The following ZNF292 variants were observed in gnomAD, a reference collection of about 807,000 sequenced individuals.
ZNF292 encodes 16 zinc-finger domain protein.
ZNF292 carries 26 observed loss-of-function variants against 217.9 expected under a neutral mutation model. That is an observed-to-expected ratio of 0.12 (90% confidence interval 0.09 to 0.17). The LOEUF (loss-of-function observed/expected upper bound fraction) is 0.17, where lower values mean the gene tolerates loss of function less well. Among genes scored for constraint, ZNF292 ranks in the 10% least tolerant of loss-of-function variants. The pLI is 1.00. For synonymous variants in ZNF292, 1,257 were observed against 1,124.1 expected, an observed-to-expected ratio of 1.12 and a Z score of -2.37; for missense variants, 2,904 against 3,175.2, an observed-to-expected ratio of 0.91 and a Z score of 2.05.
chr6:87,245,305 TA>T (rs1774515212), intron 6 of ZNF292, among the ~76,000 whole-genome samples, 197 bp from the exon 7 acceptor site: 1 of 152,174 alleles, frequency 6.6e-6, no homozygotes, highest in African/African-American at 2.4e-5. Context: ...AAATATTAAT[TA>T]ATAAAATGAT....
intron 3 of ZNF292, among the ~76,000 whole-genome samples, chr6:87,216,979 G>A (rs1352123358): frequency 6.6e-6 from 1 of 151,950 alleles, no homozygotes; most frequent in East Asian, 1.9e-4. Flanking sequence ...TAGTCTTGAA[G>A]TTTTTTCAAG....
chr6:87,216,518 T>TA (rs1219830368), intron 3 of ZNF292, 141 bp downstream of exon 3: 1 of 605,794 alleles, frequency 1.7e-6, no homozygotes, highest in Non-Finnish European at 2.9e-6. Flanking sequence ...ACTAGTATCT[T>TA]ACATAGAGTA....
chr6:87,233,094 T>C (rs1773732617), intron 4 of ZNF292, among the ~76,000 whole-genome samples: 1 of 152,164 alleles, frequency 6.6e-6, no homozygotes, highest in Non-Finnish European at 1.5e-5. Flanking sequence ...ATTCAGCTCA[T>C]TCTAAATGGT....
rs1214943724 is a variant in ZNF292, at chr6:87,264,182, AT to A, written c.*2388del. 6.6e-6 allele frequency: 1 copy of A among 152,094 alleles called. No homozygotes were observed. Among genetic ancestry groups the A allele is most frequent in the Non-Finnish European group, 1.5e-5 (1 of 67,998 alleles). 9.4% of individuals were successfully genotyped at this position (152,094 alleles called of 1,614,324 possible). On this transcript the variant is annotated 3_prime_UTR_variant, in exon 8 of 8. Transcript: ENST00000369577. ...TAAGTATTAAAAAATCATAAAATATATTTTTTTCATGGTATACTTTTCCCCA... is the reference window on the plus strand; with the variant it reads ...TAAGTATTAAAAAATCATAAAATATATTTTTTCATGGTATACTTTTCCCCA...
In ZNF292 at chr6:87,255,584, A is replaced by T; in HGVS notation, c.1955A>T (p.Asp652Val). ...STDFIVFNDNDGSDDENDDKD... is the reference protein window; with the variant it reads ...STDFIVFNDNVGSDDENDDKD... ...GATTTTATAGTGTTTAATGACAATGATGGTTCAGATGATGAGAATGATGAC... is the reference window on the plus strand; with the variant it reads ...GATTTTATAGTGTTTAATGACAATGTTGGTTCAGATGATGAGAATGATGAC... The change falls in exon 8 of 8, where the codon GAT becomes GTT. Residue 652 changes from aspartate (D) to valine (V), a missense_variant. Asp to Val is a radical substitution (Grantham distance 152, BLOSUM62 -3). This residue lies in a region of ZNF292 where 216 missense variants were observed against 308.3 expected (regional missense o/e 0.70). Transcript: ENST00000369577. 1 of 1,611,124 alleles carries T rather than the reference A, an allele frequency of 6.2e-7. No homozygotes were observed. Among genetic ancestry groups the T allele is most frequent in the South Asian group, 1.1e-5 (1 of 90,686 alleles).
chr6:87,159,516 T>TA (rs60026358), intron 1 of ZNF292, among the ~76,000 whole-genome samples: 32 of 133,018 alleles, frequency 2.4e-4, no homozygotes, highest in Middle Eastern at 4.0e-3. Context: ...TTTTTTTTTT[T>TA]AAAAAAGATG....
chr6:87,265,102 TCTCTC>T lies in ZNF292; in HGVS notation c.*3302_*3306del. On this transcript the variant is annotated 3_prime_UTR_variant, in exon 8 of 8. Transcript: ENST00000369577. ...TGTGTGCTGTAGTTCTCTCTCTCTCTCTCTCTTTTTTTTTCTTTGTTTTTTTTGGA... is the reference window on the plus strand; with the variant it reads ...TGTGTGCTGTAGTTCTCTCTCTCTCTTTTTTTTTTCTTTGTTTTTTTTGGA... Among the ~76,000 whole-genome samples, 1 of 152,170 alleles carries T rather than the reference TCTCTC, an allele frequency of 6.6e-6. No homozygotes were observed. The highest frequency in any genetic ancestry group is 2.1e-4 in the South Asian group (1 of 4,824).
rs371381325 is a variant in ZNF292 at position 87,259,009 on chromosome 6, C to G, written c.5380C>G (p.Gln1794Glu). 4 of 1,613,362 alleles carry G rather than the reference C, an allele frequency of 2.5e-6. No homozygotes were observed. The African/African-American group carries it at 5.3e-5, about 22-fold the overall frequency. ...AAATGCTCAAATAAATTATAACATT[C>G]AGCTTCCTTCAGTAAACACTGTGCA... The part of the protein sequence containing the change: ...SQNAQINYNI[Q>E]LPSVNTVQNN... Residue 1794 changes from glutamine to glutamate, a missense_variant, in exon 8 of 8, where the codon CAG becomes GAG. Coordinates refer to ENST00000369577, the MANE Select transcript of ZNF292 (RefSeq NM_015021.3).
intron 1 of ZNF292, among the ~76,000 whole-genome samples, chr6:87,212,365 T>C (rs951125531): frequency 6.6e-6 from 1 of 152,142 alleles, no homozygotes; most frequent in Non-Finnish European, 1.5e-5. Flanking sequence ...CATTGGTGAT[T>C]GGGTTCAATC....
chr6:87,246,007 C>T (rs1031189244), intron 7 of ZNF292, among the ~76,000 whole-genome samples: 4 of 152,118 alleles, frequency 2.6e-5, no homozygotes, highest in African/African-American at 9.7e-5. Flanking sequence ...CCAAGGCAGG[C>T]AGATCACAAG....
At chr6:87,240,415 GTTTT>G (rs1774217867) in intron 5 of ZNF292, among the ~76,000 whole-genome samples, 1 of 151,944 alleles carries the variant, frequency 6.6e-6, no homozygotes, top group South Asian at 2.1e-4. Flanking sequence ...ATTTGATTCT[GTTTT>G]TTAATTTTTT....
At position 87,200,859 on chromosome 6, in the gene ZNF292, T is replaced by C. The variant is rs144002422; in HGVS notation, c.169-15044T>C. Among the ~76,000 whole-genome samples the C allele has an allele frequency of 6.9e-3, 1,055 of 152,330 alleles. 6 individuals carry two copies. The highest frequency in any genetic ancestry group is 0.012 in the South Asian group (56 of 4,834). ...TTCACATCCTAGCATTGAGTATATA[T>C]GGGAATGTGAATCATGTTAAATTCA... On this transcript the variant is annotated intron_variant, in intron 1 of 7. Coordinates refer to ENST00000369577, the MANE Select transcript of ZNF292 (RefSeq NM_015021.3).
At chr6:87,247,085 G>T (rs187226839) in intron 7 of ZNF292, among the ~76,000 whole-genome samples, 1 of 151,638 alleles carries the variant, frequency 6.6e-6, no homozygotes, top group Non-Finnish European at 1.5e-5. Flanking sequence ...AGCCCAGGAG[G>T]TGGAGGTTAC....
chr6:87,256,360 A>G lies in ZNF292; in HGVS notation c.2731A>G (p.Arg911Gly). 1 of 1,611,136 alleles carries G rather than the reference A, an allele frequency of 6.2e-7. No individual in the cohort carries two copies. The highest frequency in any genetic ancestry group is 2.2e-5 in the East Asian group (1 of 44,882). ...KQDQISASEL[R>G]QANGPLSNGL... is the part of the protein sequence containing the mutation. ...AGACCAGATTTCTGCCTCTGAGCTC[A>G]GGCAAGCTAATGGACCATTGTCAAA... Residue 911 changes from arginine to glycine, a missense_variant, in exon 8 of 8, where the codon AGG becomes GGG. Around this residue, in one of 15 missense-constraint regions of ZNF292, gnomAD observed 687 missense variants for 623.0 expected, o/e 1.10. Coordinates refer to ENST00000369577, the MANE Select transcript of ZNF292 (RefSeq NM_015021.3).
rs1408117916 is a variant in ZNF292, at chr6:87,259,642, G to C, written c.6013G>C (p.Val2005Leu). The part of the protein sequence containing the change: ...ENVPASRSTQ[V>L]KKQLAMTEEN... ...TGTGCCGGCCTCACGAAGTACACAA[G>C]TGAAAAAACAGCTAGCTATGACAGA... Residue 2005 changes from valine to leucine, a missense_variant, in exon 8 of 8, where the codon GTG becomes CTG. By Grantham distance (32) the Val-to-Leu change is conservative (BLOSUM62 1). Transcript: ENST00000369577. The C allele has an allele frequency of 2.5e-6, 4 of 1,586,108 alleles. No individual in the cohort carries two copies. The highest frequency in any genetic ancestry group is 2.6e-6 in the Non-Finnish European group (3 of 1,165,686).
Position 87,264,268 on chromosome 6 carries a change from G to C in ZNF292, c.*2467G>C, listed in dbSNP as rs980914101. ...TTTGCTAAAGTTTCATCACTAAAAA[G>C]TAGGAGTTTTTCCTCTTCTGAACCC... is the stretch of plus-strand genomic sequence containing the variant. On this transcript the variant is annotated 3_prime_UTR_variant, in exon 8 of 8. Transcript: ENST00000369577. The C allele has an allele frequency of 3.9e-5, 6 of 152,108 alleles. No individual in the cohort carries two copies. Among genetic ancestry groups the C allele is most frequent in the African/African-American group, 9.7e-5 (4 of 41,432 alleles). The allele number at this position is 152,108 out of a possible 1,614,324, so 9.4% of individuals were successfully genotyped here. A position where few individuals can be genotyped will look rare whatever the true frequency, so the allele number is the denominator to read the frequency against.
chr6:87,233,057 A>G (rs1773730764), intron 4 of ZNF292, among the ~76,000 whole-genome samples: 1 of 152,164 alleles, frequency 6.6e-6, no homozygotes, highest in Non-Finnish European at 1.5e-5. Context: ...CATTTAACAC[A>G]GAACTATTTT....
Position 87,259,788 on chromosome 6 carries a change from A to G in ZNF292, c.6159A>G (p.Thr2053=). ...QLVEKKSPDK[T]ESSLQVITVT... ...TAGAAAAAAAAAGTCCTGACAAAAC[A>G]GAAAGTTCTTTACAAGTGATTACAG... Residue 2053 remains threonine (T), a synonymous_variant, in exon 8 of 8, where the codon ACA becomes ACG. Transcript: ENST00000369577. The G allele has an allele frequency of 6.2e-7, 1 of 1,606,402 alleles. No individual in the cohort carries two copies. Among genetic ancestry groups the G allele is most frequent in the South Asian group, 1.1e-5 (1 of 90,094 alleles).
Position 87,258,774 on chromosome 6 carries a change from G to A in ZNF292, c.5145G>A (p.Val1715=). 6.2e-7 allele frequency: 1 copy of A among 1,613,520 alleles called. No individual in the cohort carries two copies. The highest frequency in any genetic ancestry group is 8.5e-7 in the Non-Finnish European group (1 of 1,179,708). ...AAACCAGTCTTGAGTCCCATACAGT[G>A]TTAGCCCCTTTAACATTAAAAACTG... The part of the protein sequence containing the change: ...NFKTSLESHT[V]LAPLTLKTEN... Residue 1715 remains valine, a synonymous_variant, in exon 8 of 8, where the codon GTG becomes GTA. Transcript: ENST00000369577.
Sources: gnomAD v4.1 joint callset for allele counts (sites outside exome capture counted in the v4.1 genomes callset) on GRCh38, gnomAD v4.1.1 for gene constraint, gnomAD v4.1.1 regional missense constraint, MANE v1.5 for transcripts, NCBI Gene and HGNC (gene_info 2026-07-23, HGNC 2026-07-21) for gene names.